DNAH5: variants seen among roughly 807,000 people sequenced by gnomAD.
The protein encoded by DNAH5 is dynein axonemal heavy chain 5.
DNAH5 carries 372 observed loss-of-function variants against 518.2 expected under a neutral mutation model. The ratio of observed to expected loss-of-function variants is 0.72; its 90% CI spans 0.66 to 0.78. The LOEUF is 0.78. Ranked by LOEUF, DNAH5 falls within the 30% of genes least tolerant of loss-of-function variation. The probability of loss-of-function intolerance (pLI) is 0.00; values close to 1 mark genes in which losing one functional copy is unlikely to be tolerated. For synonymous variants in DNAH5, 2,039 were observed against 2,025.9 expected, an observed-to-expected ratio of 1.01 and a Z score of -0.17; for missense variants, 5,523 against 5,687.0, an observed-to-expected ratio of 0.97 and a Z score of 0.93.
In DNAH5 at chr5:13,824,492, TAC is replaced by T. The variant is rs1762640294; in HGVS notation, c.6445-161_6445-160del. Among the ~76,000 whole-genome samples, 3 of 152,346 alleles carry T rather than the reference TAC, an allele frequency of 2.0e-5. No homozygotes were observed. In the South Asian group the frequency reaches 6.2e-4, roughly 32 times the overall value. On this transcript the variant is annotated intron_variant, in intron 38 of 78. Transcript: ENST00000265104. ...GGGGTAAAATATTTCTATATAGATA[TAC>T]GTTTTGAGCAAATAGGGAATATCCC...
In DNAH5 at chr5:13,870,878, C is replaced by T; in HGVS notation, c.3723G>A (p.Lys1241=). The T allele has an allele frequency of 6.2e-7, 1 of 1,613,830 alleles. No homozygotes were observed. Among genetic ancestry groups the T allele is most frequent in the African/African-American group, 1.3e-5 (1 of 75,026 alleles). Reference sequence around the variant, plus strand: ...GGTCCTTAATTGGACGATTTAGTTTCTTATTGAATTCTTCAATAAGCATAA... The same window carrying T: ...GGTCCTTAATTGGACGATTTAGTTTTTTATTGAATTCTTCAATAAGCATAA... ...NIFMLIEEFN[K]KLNRPIKDLD... The change falls in exon 24 of 79, where the codon AAG becomes AAA. Residue 1241 remains lysine (K), a synonymous_variant. Coordinates refer to ENST00000265104, the MANE Select transcript of DNAH5 (RefSeq NM_001369.3).
intron 46 of DNAH5, 100 bp downstream of exon 46, chr5:13,808,944 A>C: frequency 6.9e-7 from 1 of 1,458,418 alleles, no homozygotes; most frequent in South Asian, 1.1e-5. Context: ...TGGGCGACAG[A>C]GTGAGACTCC....
At chr5:13,710,325 C>G (rs1743325528) in intron 75 of DNAH5, among the ~76,000 whole-genome samples, 1 of 152,134 alleles carries the variant, frequency 6.6e-6, no homozygotes, top group Non-Finnish European at 1.5e-5. Context: ...AGCCTTCAGC[C>G]TAAGACCTTC....
At chr5:13,745,202 G>A (rs1749162604) in intron 65 of DNAH5, among the ~76,000 whole-genome samples, 1 of 152,018 alleles carries the variant, frequency 6.6e-6, no homozygotes, top group Admixed American at 6.6e-5. Flanking sequence ...TGATCAAAGT[G>A]AGAGTGAGTC....
chr5:13,769,400 G>T, intron 57 of DNAH5, 101 bp downstream of exon 57: 2 of 1,030,626 alleles, frequency 1.9e-6, no homozygotes, highest in Non-Finnish European at 3.1e-6. Flanking sequence ...GGAAGTTAAT[G>T]TATACTTCAC....
chr5:13,920,495 G>C lies in DNAH5; in HGVS notation c.783C>G (p.Ile261Met). ...GKIEDCMKVW[I>M]KQTEQVLAEN... Reference sequence around the variant, plus strand: ...TCAAAATTACCTGTTCTGTCTGTTTGATCCATACTTTCATGCAATCCTCTA... The same window carrying C: ...TCAAAATTACCTGTTCTGTCTGTTTCATCCATACTTTCATGCAATCCTCTA... Residue 261 changes from isoleucine to methionine, a missense_variant, in exon 6 of 79, where the codon ATC becomes ATG. By Grantham distance (10) the Ile-to-Met change is conservative (BLOSUM62 1). This residue lies in a region of DNAH5 where 5,121 missense variants were observed against 5,223.3 expected (regional missense o/e 0.98). Coordinates refer to ENST00000265104, the MANE Select transcript of DNAH5 (RefSeq NM_001369.3). The C allele has an allele frequency of 3.1e-6, 5 of 1,614,126 alleles. No homozygotes were observed. The South Asian group carries it at 4.4e-5, about 14-fold the overall frequency.
At chr5:13,774,679 T>C (rs966485975) in intron 55 of DNAH5, among the ~76,000 whole-genome samples, 5 of 152,178 alleles carry the variant, frequency 3.3e-5, no homozygotes, top group African/African-American at 1.2e-4. Flanking sequence ...GGATATTTGC[T>C]AGCAACTGAG....
At chr5:13,927,949 G>A in intron 3 of DNAH5, 145 bp downstream of exon 3, 1 of 674,774 alleles carries the variant, frequency 1.5e-6, no homozygotes, top group South Asian at 1.7e-5. Context: ...ACACACTAAT[G>A]GTTTCCCACA....
At position 13,941,659 on chromosome 5, in the gene DNAH5, C is replaced by G. The variant is rs142379205; in HGVS notation, c.57+2723G>C. 6.0e-4 allele frequency among the ~76,000 whole-genome samples: 91 copies of G among 152,350 alleles called. 2 individuals are homozygous for G. In the South Asian group the frequency reaches 0.015, roughly 25 times the overall value. ...AAACAATGGCTGCCCTCCTGCAGAG[C>G]TTCTCGGCGGGAGAGGGAGGTGTGC... On this transcript the variant is annotated intron_variant, in intron 1 of 78. Transcript: ENST00000265104.
intron 78 of DNAH5, among the ~76,000 whole-genome samples, chr5:13,693,953 A>G (rs1470795230): frequency 6.6e-6 from 1 of 152,220 alleles, no homozygotes; most frequent in Non-Finnish European, 1.5e-5. Flanking sequence ...AAGTAAATGA[A>G]TGACAATGAA....
intron 65 of DNAH5, among the ~76,000 whole-genome samples, chr5:13,743,132 C>T (rs1449342106): frequency 6.6e-6 from 1 of 151,842 alleles, no homozygotes; most frequent in Non-Finnish European, 1.5e-5. Flanking sequence ...TAATTTTATC[C>T]ATAAGTCTCC....
chr5:13,987,637 G>T (rs1783150066), intron 1 of DNAH5, among the ~76,000 whole-genome samples: 1 of 152,102 alleles, frequency 6.6e-6, no homozygotes, highest in African/African-American at 2.4e-5. Context: ...CAGATCACCT[G>T]ACGTCAGGAG....
At chr5:13,843,576 G>C (rs1006596309) in intron 32 of DNAH5, among the ~76,000 whole-genome samples, 1 of 152,106 alleles carries the variant, frequency 6.6e-6, no homozygotes, top group African/African-American at 2.4e-5. Context: ...CCAGAACTTT[G>C]AGAGAATACA....
At chr5:13,989,671 G>A (rs901780331) in intron 1 of DNAH5, among the ~76,000 whole-genome samples, 1 of 152,000 alleles carries the variant, frequency 6.6e-6, no homozygotes, top group Non-Finnish European at 1.5e-5. Flanking sequence ...TTTTAGTAGA[G>A]ACGGGGTTTC....
chr5:13,755,038 A>T (rs2126709939), intron 61 of DNAH5, among the ~76,000 whole-genome samples: 1 of 152,164 alleles, frequency 6.6e-6, no homozygotes, highest in South Asian at 2.1e-4. Flanking sequence ...GCTACTTGGG[A>T]GGCTAAGGCA....
chr5:13,901,201 AGG>A, intron 14 of DNAH5, 49 bp downstream of exon 14: 10 of 1,575,616 alleles, frequency 6.3e-6, no homozygotes, highest in Non-Finnish European at 7.8e-6. Context: ...ATGCTAGAAG[AGG>A]GGTTCCCATG....
intron 1 of DNAH5, among the ~76,000 whole-genome samples, chr5:13,934,991 C>T (rs574817500): frequency 6.6e-6 from 1 of 152,298 alleles, no homozygotes; most frequent in Non-Finnish European, 1.5e-5. Context: ...AGACTTTTCT[C>T]TAAGTGATCA....
Position 13,751,098 on chromosome 5 carries a change from C to T in DNAH5, c.11191G>A (p.Val3731Ile). ...KGLEDQLLGR[V>I]ILTEKQELEK... ...CTCACCTGCTTCTCTGTGAGAATGA[C>T]CCTCCCCAGTAACTGATCTTCTAGA... The change falls in exon 65 of 79, where the codon GTC becomes ATC. Residue 3731 changes from valine (V) to isoleucine (I), a missense_variant. Val to Ile is a conservative substitution (Grantham distance 29). Transcript: ENST00000265104. 6.2e-7 allele frequency: 1 copy of T among 1,613,892 alleles called. No homozygotes were observed. The highest frequency in any genetic ancestry group is 8.5e-7 in the Non-Finnish European group (1 of 1,179,898).
At chr5:13,730,878 T>C (rs1217747098) in intron 68 of DNAH5, among the ~76,000 whole-genome samples, 1 of 151,956 alleles carries the variant, frequency 6.6e-6, no homozygotes, top group African/African-American at 2.4e-5. Flanking sequence ...TTTTGTATTT[T>C]TAGTAGAGGC....
Sources: gnomAD v4.1 joint callset for allele counts (sites outside exome capture counted in the v4.1 genomes callset) on GRCh38, gnomAD v4.1.1 for gene constraint, gnomAD v4.1.1 regional missense constraint, MANE v1.5 for transcripts, NCBI Gene and HGNC (gene_info 2026-07-23, HGNC 2026-07-21) for gene names.